DUSP16: variants seen among roughly 807,000 people sequenced by gnomAD.
DUSP16 encodes the protein dual specificity protein phosphatase 16.
Under a neutral mutation model 58.3 loss-of-function variants are expected in DUSP16, and 21 were observed. The ratio of observed to expected loss-of-function variants is 0.36; its 90% CI spans 0.26 to 0.52. The LOEUF (loss-of-function observed/expected upper bound fraction) is 0.52, where lower values mean the gene tolerates loss of function less well. Ranked by LOEUF, DUSP16 falls within the 20% of genes least tolerant of loss-of-function variation. The probability of loss-of-function intolerance (pLI) is 0.94; values close to 1 mark genes in which losing one functional copy is unlikely to be tolerated. For missense variants in DUSP16, 726 were observed against 819.0 expected (o/e 0.89, Z 1.39); for synonymous variants, 320 against 323.8 (o/e 0.99, Z 0.12).
At position 12,477,736 on chromosome 12, in the gene DUSP16, G is replaced by T; in HGVS notation, c.1095C>A (p.Ser365Arg). ...TGTCCTCTAACAGCGACGGCTGCAC[G>T]CTGGGCACGCTGGGCACGCTGGCGG... The part of the protein sequence containing the change: ...VHPASVPSVP[S>R]VQPSLLEDSP... The change falls in exon 7 of 7, where the codon AGC becomes AGA. Residue 365 changes from serine (S) to arginine (R), a missense_variant. By Grantham distance (110) the Ser-to-Arg change is moderately radical. Transcript: ENST00000298573. This position sits in a 1 kb window ranked among gnomAD's most constrained non-coding sequence, Gnocchi z 4.1. The T allele has an allele frequency of 1.4e-6, 2 of 1,428,712 alleles. No individual in the cohort carries two copies. Among genetic ancestry groups the T allele is most frequent in the South Asian group, 3.3e-5 (2 of 61,224 alleles). 88.5% of individuals were successfully genotyped at this position (1,428,712 alleles called of 1,614,324 possible).
chr12:12,480,753 C>CTTG (rs1943549397), intron 5 of DUSP16, among the ~76,000 whole-genome samples: 1 of 152,136 alleles, frequency 6.6e-6, no homozygotes, highest in Non-Finnish European at 1.5e-5. Context: ...GAGATAGAGT[C>CTTG]TTGCTCTGTC....
chr12:12,490,395 AAAAC>A lies in DUSP16; in HGVS notation c.532-3212_532-3209del, dbSNP rs200098637. Reference sequence around the variant, plus strand: ...ATAAATAAAACAAGTACAATTTGTAAAAACAAACAAACCAAAAACAAAAAAAAAC... The same window carrying A: ...ATAAATAAAACAAGTACAATTTGTAAAAACAAACCAAAAACAAAAAAAAAC... On this transcript the variant is annotated intron_variant, in intron 4 of 6. Coordinates refer to ENST00000298573, the MANE Select transcript of DUSP16 (RefSeq NM_030640.3). 8.6e-3 allele frequency among the ~76,000 whole-genome samples: 1,299 copies of A among 151,394 alleles called. 23 individuals are homozygous for A. Among genetic ancestry groups the A allele is most frequent in the African/African-American group, 0.029 (1,211 of 41,302 alleles).
At chr12:12,542,388 G>GAAAAAAAAAAAAAAAAAAAAA (rs56822339) in intron 1 of DUSP16, among the ~76,000 whole-genome samples, 1 of 109,706 alleles carries the variant, frequency 9.1e-6, no homozygotes, top group Non-Finnish European at 1.8e-5. Flanking sequence ...AAAGAAAAGA[G>GAAAAAAAAAAAAAAAAAAAAA]AAAAAAAAAA....
chr12:12,502,759 C>A (rs1448452262), intron 3 of DUSP16, among the ~76,000 whole-genome samples: 2 of 152,078 alleles, frequency 1.3e-5, no homozygotes, highest in African/African-American at 4.8e-5. Context: ...CCATGTTGGT[C>A]AGGCTGATCT....
At chr12:12,560,688 A>T (rs959926652) in intron 1 of DUSP16, 2 of 152,218 alleles carry the variant, frequency 1.3e-5, no homozygotes, top group Non-Finnish European at 2.9e-5. Flanking sequence ...CCACCAATAT[A>T]TGTGATACTC....
chr12:12,494,715 T>C (rs1943805848), intron 4 of DUSP16, among the ~76,000 whole-genome samples: 2 of 151,846 alleles, frequency 1.3e-5, no homozygotes, highest in African/African-American at 4.8e-5. Flanking sequence ...TGTCCAGACA[T>C]TGAAAGAGGA....
chr12:12,542,388 G>GAAAAAAAAAAAAAAA (rs56822339), intron 1 of DUSP16, among the ~76,000 whole-genome samples: 3 of 109,706 alleles, frequency 2.7e-5, no homozygotes, highest in Non-Finnish European at 5.4e-5. Context: ...AAAGAAAAGA[G>GAAAAAAAAAAAAAAA]AAAAAAAAAA....
intron 3 of DUSP16, among the ~76,000 whole-genome samples, chr12:12,512,719 G>A (rs577171991): frequency 6.6e-6 from 1 of 152,232 alleles, no homozygotes; most frequent in South Asian, 2.1e-4. Context: ...TTTTTAGTCT[G>A]TTTTCAGTGA....
rs1229603604 is a variant in DUSP16, at chr12:12,488,610, G to A, written c.532-1423C>T. Among the ~76,000 whole-genome samples, 4 of 152,220 alleles carry A rather than the reference G, an allele frequency of 2.6e-5. No homozygotes were observed. In the East Asian group the frequency reaches 7.7e-4, roughly 29 times the overall value. ...GCCTGGAATAATTATCTTAGTCTAA[G>A]CAATCTTGGTCATTTCTTCCTTCTC... is the stretch of plus-strand genomic sequence containing the variant. On this transcript the variant is annotated intron_variant, in intron 4 of 6. Transcript: ENST00000298573.
chr12:12,508,184 G>T (rs927375152), intron 3 of DUSP16, among the ~76,000 whole-genome samples: 1 of 152,158 alleles, frequency 6.6e-6, no homozygotes, highest in East Asian at 1.9e-4. Context: ...GCTCTTAAGA[G>T]TAATTCTGTT....
chr12:12,521,545 T>C, intron 1 of DUSP16, 82 bp from the exon 2 acceptor site: 1 of 526,550 alleles, frequency 1.9e-6, no homozygotes, highest in Non-Finnish European at 2.5e-6. Context: ...GAGTGTATGA[T>C]TCATAATATT....
At chr12:12,502,940 C>A (rs1376274739) in intron 3 of DUSP16, among the ~76,000 whole-genome samples, 1 of 152,136 alleles carries the variant, frequency 6.6e-6, no homozygotes, top group African/African-American at 2.4e-5. Flanking sequence ...CACGTAGAAG[C>A]CACGGTACAT....
At chr12:12,500,883 G>A (rs546126548) in intron 3 of DUSP16, among the ~76,000 whole-genome samples, 4 of 152,260 alleles carry the variant, frequency 2.6e-5, no homozygotes, top group African/African-American at 9.6e-5. Flanking sequence ...CATGGGGATA[G>A]GCAAGTCCTG....
Position 12,476,776 on chromosome 12 carries a change from A to T in DUSP16, c.*57T>A, listed in dbSNP as rs560554348. 5.1e-5 allele frequency: 75 copies of T among 1,477,570 alleles called. No homozygotes were observed. Among genetic ancestry groups the T allele is most frequent in the Non-Finnish European group, 6.1e-5 (68 of 1,108,208 alleles). The allele number at this position is 1,477,570 out of a possible 1,614,324, so 91.5% of individuals were successfully genotyped here. ...TATATATATTTCAGATTTACAGGGA[A>T]TTTTTTTGTGAACAAGAAAAAAAAA... On this transcript the variant is annotated 3_prime_UTR_variant, in exon 7 of 7. Coordinates refer to ENST00000298573, the MANE Select transcript of DUSP16 (RefSeq NM_030640.3).
chr12:12,502,915 C>A (rs1415259818), intron 3 of DUSP16, among the ~76,000 whole-genome samples: 1 of 152,096 alleles, frequency 6.6e-6, no homozygotes, highest in Admixed American at 6.5e-5. Context: ...ACCCTCACAC[C>A]GCCCCATGCA....
intron 1 of DUSP16, among the ~76,000 whole-genome samples, chr12:12,551,553 G>T (rs573196425): frequency 6.7e-6 from 1 of 149,330 alleles, no homozygotes; most frequent in Non-Finnish European, 1.5e-5. Flanking sequence ...ACTTGAATTC[G>T]CCACCAAGAT....
At chr12:12,507,044 T>TG (rs1263178583) in intron 3 of DUSP16, among the ~76,000 whole-genome samples, 2 of 152,110 alleles carry the variant, frequency 1.3e-5, no homozygotes, top group African/African-American at 4.8e-5. Flanking sequence ...CATTCCATTT[T>TG]GGGGGGGAAA....
chr12:12,474,514 C>T lies in DUSP16; in HGVS notation c.*2319G>A, dbSNP rs1035508794. The T allele has an allele frequency of 6.6e-6, 1 of 152,352 alleles. No individual in the cohort carries two copies. The highest frequency in any genetic ancestry group is 1.5e-5 in the Non-Finnish European group (1 of 68,044). 9.4% of individuals were successfully genotyped at this position (152,352 alleles called of 1,614,324 possible). On this transcript the variant is annotated 3_prime_UTR_variant, in exon 7 of 7. Transcript: ENST00000298573. ...CAATTACATGCTGAAGAGAGCCAGCCACCACCCCACCTAAAGACATCCAAG... is the reference window on the plus strand; with the variant it reads ...CAATTACATGCTGAAGAGAGCCAGCTACCACCCCACCTAAAGACATCCAAG...
chr12:12,514,111 C>G (rs1166820384), intron 3 of DUSP16, among the ~76,000 whole-genome samples: 2 of 152,138 alleles, frequency 1.3e-5, no homozygotes, highest in Middle Eastern at 3.4e-3. Context: ...AATTTCACAT[C>G]CATTGTCTAA....
Sources: gnomAD v4.1 joint callset for allele counts (sites outside exome capture counted in the v4.1 genomes callset) on GRCh38, gnomAD v4.1.1 for gene constraint, Gnocchi (gnomAD v3.1) non-coding constraint, MANE v1.5 for transcripts, NCBI Gene and HGNC (gene_info 2026-07-23, HGNC 2026-07-21) for gene names.